The following PCDHGB4 variants were observed in gnomAD, a reference collection of about 807,000 sequenced individuals.
PCDHGB4 encodes the protein protocadherin gamma-B4.
PCDHGB4 carries 38 observed loss-of-function variants against 60.5 expected under a neutral mutation model. The observed-to-expected ratio is 0.63, with a 90% CI of 0.48 to 0.82. PCDHGB4 has a LOEUF of 0.82. Ranked by LOEUF, PCDHGB4 falls within the 40% of genes least tolerant of loss-of-function variation. The pLI is 0.00. For synonymous variants in PCDHGB4, 456 were observed against 509.7 expected (o/e 0.89, Z 1.42); for missense variants, 1,109 against 1,209.6 (o/e 0.92, Z 1.23).
chr5:141,400,713 T>G (rs1225008709), intron 1 of PCDHGB4: 1 of 686,914 alleles, frequency 1.5e-6, no homozygotes, highest in Admixed American at 3.0e-5. Flanking sequence ...GAAGTAGCCT[T>G]ATAGATTTAC....
intron 2 of PCDHGB4, among the ~76,000 whole-genome samples, chr5:141,502,165 T>C (rs1017904375): frequency 1.8e-4 from 28 of 152,196 alleles, no homozygotes; most frequent in African/African-American, 6.3e-4. Context: ...AGATATTCAG[T>C]TGAGGAATTT....
chr5:141,401,506 C>A (rs2094161695), intron 1 of PCDHGB4, among the ~76,000 whole-genome samples: 1 of 152,126 alleles, frequency 6.6e-6, no homozygotes, highest in Non-Finnish European at 1.5e-5. Flanking sequence ...CCTTTTCCAC[C>A]TCTATATAAT....
intron 1 of PCDHGB4, chr5:141,421,041 C>G (rs963777669): frequency 5.5e-6 from 3 of 546,514 alleles, no homozygotes; most frequent in Non-Finnish European, 9.5e-6. Context: ...TCCCTCCCTC[C>G]CCCGCCTCTA....
intron 1 of PCDHGB4, chr5:141,423,333 C>T (rs761192305): frequency 3.1e-6 from 5 of 1,614,184 alleles, no homozygotes; most frequent in Non-Finnish European, 4.2e-6. Context: ...CCGCAGTCTC[C>T]TGCATCTTCC....
chr5:141,411,536 A>G (rs1333872781), intron 1 of PCDHGB4: 1 of 152,248 alleles, frequency 6.6e-6, no homozygotes, highest in Admixed American at 6.5e-5. Context: ...GTGAGCCCTG[A>G]TCTTGCCACT....
intron 2 of PCDHGB4, among the ~76,000 whole-genome samples, chr5:141,502,472 A>G (rs1450967250): frequency 1.3e-5 from 2 of 150,886 alleles, no homozygotes; most frequent in Non-Finnish European, 2.9e-5. Flanking sequence ...TACTTCCCGC[A>G]GCATCACACT....
chr5:141,418,945 A>G, intron 1 of PCDHGB4: 3 of 1,614,062 alleles, frequency 1.9e-6, no homozygotes, highest in Non-Finnish European at 2.5e-6. Flanking sequence ...ATTCCCCTCC[A>G]GGAGTGGTTG....
intron 1 of PCDHGB4, chr5:141,413,303 T>G (rs772421197): frequency 6.8e-6 from 11 of 1,613,942 alleles, no homozygotes; most frequent in Middle Eastern, 3.3e-4. Flanking sequence ...CCTGAGGAAT[T>G]AGAGAAAGGC....
At chr5:141,403,094 A>G in intron 1 of PCDHGB4, 1 of 1,614,064 alleles carries the variant, frequency 6.2e-7, no homozygotes, top group Non-Finnish European at 8.5e-7. Flanking sequence ...TGTGGGCAAC[A>G]TCTCCAAGGA....
chr5:141,393,447 C>G, intron 1 of PCDHGB4: 1 of 1,614,052 alleles, frequency 6.2e-7, no homozygotes. Flanking sequence ...CCACCTGGTC[C>G]TCACGGCCTC....
chr5:141,505,436 T>C lies in PCDHGB4; in HGVS notation c.2500T>C (p.Phe834Leu). 1.2e-6 allele frequency: 2 copies of C among 1,614,118 alleles called. No homozygotes were observed. The highest frequency in any genetic ancestry group is 1.7e-6 in the Non-Finnish European group (2 of 1,179,998). ...DDTGTWPNNQ[F>L]DTEMLQAMIL... is the part of the protein sequence containing the mutation. ...CACCGGCACCTGGCCCAACAACCAG[T>C]TTGACACAGAGATGCTGCAAGCCAT... Residue 834 changes from phenylalanine (F) to leucine (L), a missense_variant, in exon 3 of 4, where the codon TTT becomes CTT. Phe to Leu is a conservative substitution (Grantham distance 22). Around this residue, in one of 2 missense-constraint regions of PCDHGB4, gnomAD observed 1,068 missense variants for 1,089.9 expected, o/e 0.98. Coordinates refer to ENST00000519479, the MANE Select transcript of PCDHGB4 (RefSeq NM_003736.4).
At chr5:141,393,609 G>A (rs1428368601) in intron 1 of PCDHGB4, 2 of 1,613,940 alleles carry the variant, frequency 1.2e-6, no homozygotes, top group South Asian at 2.2e-5. Context: ...TACTGTAACA[G>A]CCAGCGACCC....
At chr5:141,433,422 A>G (rs1172678396) in intron 1 of PCDHGB4, among the ~76,000 whole-genome samples, 1 of 150,646 alleles carries the variant, frequency 6.6e-6, no homozygotes, top group Admixed American at 6.6e-5. Context: ...TCTTGTACAG[A>G]CAGGAGTCTC....
intron 1 of PCDHGB4, chr5:141,399,574 G>C (rs1191176960): frequency 6.2e-7 from 1 of 1,614,046 alleles, no homozygotes; most frequent in Middle Eastern, 1.6e-4. Flanking sequence ...GAACGGCCAA[G>C]TCTCCTACTC....
chr5:141,449,098 G>A (rs1314761371), intron 1 of PCDHGB4, among the ~76,000 whole-genome samples: 1 of 152,140 alleles, frequency 6.6e-6, no homozygotes, highest in Admixed American at 6.5e-5. Context: ...TTTTACATAT[G>A]CAGTATATCT....
rs1456939693 is a variant in PCDHGB4 at position 141,390,095 on chromosome 5, TC to T, written c.2217del (p.Asn740ThrfsTer26). The T allele has an allele frequency of 6.2e-7, 1 of 1,613,972 alleles. No individual in the cohort carries two copies. Among genetic ancestry groups the T allele is most frequent in the Non-Finnish European group, 8.5e-7 (1 of 1,179,892 alleles). ...TCTGTGTTAAATCCGAATCCGTGGT[TC>T]CCCCCAACTACAGCGAGGGGACTTT... ...GLCVKSESVV[P>X]PNYSEGTLPY... On this transcript the variant is annotated frameshift_variant, in exon 1 of 4. Transcript: ENST00000519479. LOFTEE classifies it high-confidence loss of function.
In PCDHGB4 at chr5:141,433,172, G is replaced by C. The variant is rs147848043; in HGVS notation, c.2397+42891G>C. 533 of 1,610,720 alleles carry C rather than the reference G, an allele frequency of 3.3e-4. 5 individuals carry two copies. In the South Asian group the frequency reaches 5.0e-3, roughly 15 times the overall value. On this transcript the variant is annotated intron_variant, in intron 1 of 3. Transcript: ENST00000519479. ...TTCGGTATTTTCTAAAGACAGTCAT[G>C]GGTTAATTGAGGTGAGTTTATATCA...
rs994881086 is a variant in PCDHGB4, at chr5:141,417,704, A to C, written c.2397+27423A>C. 1.0e-4 allele frequency: 125 copies of C among 1,207,342 alleles called. 3 individuals are homozygous for C. In the East Asian group the frequency reaches 2.7e-3, roughly 26 times the overall value. The allele number at this position is 1,207,342 out of a possible 1,614,324, so 74.8% of individuals were successfully genotyped here. Reference sequence around the variant, plus strand: ...CAGAAAAGAAAACCAGCTCCCACACAGAGGCTCCCGGCTGCGCAGACCTTG... The same window carrying C: ...CAGAAAAGAAAACCAGCTCCCACACCGAGGCTCCCGGCTGCGCAGACCTTG... On this transcript the variant is annotated intron_variant, in intron 1 of 3. Transcript: ENST00000519479.
At chr5:141,422,984 G>T in intron 1 of PCDHGB4, 2 of 1,614,230 alleles carry the variant, frequency 1.2e-6, no homozygotes, top group Non-Finnish European at 1.7e-6. Flanking sequence ...GCGGAACCTG[G>T]CTACCTGGTG....
Sources: gnomAD v4.1 joint callset for allele counts (sites outside exome capture counted in the v4.1 genomes callset) on GRCh38, gnomAD v4.1.1 for gene constraint, gnomAD v4.1.1 regional missense constraint, MANE v1.5 for transcripts, NCBI Gene and HGNC (gene_info 2026-07-23, HGNC 2026-07-21) for gene names.